Variants in RUNX1 observed in about 807,000 individuals in gnomAD.
The protein encoded by RUNX1 is runt-related transcription factor 1.
RUNX1 carries 19 observed loss-of-function variants against 42.8 expected under a neutral mutation model. The ratio of observed to expected loss-of-function variants is 0.44; its 90% CI spans 0.31 to 0.65. The LOEUF (loss-of-function observed/expected upper bound fraction) is 0.65. Ranked by LOEUF, RUNX1 falls within the 30% of genes least tolerant of loss-of-function variation. RUNX1 has a pLI of 0.07. For synonymous variants in RUNX1, 271 were observed against 289.4 expected (o/e 0.94, Z 0.64); for missense variants, 528 against 672.0 (o/e 0.79, Z 2.37).
At chr21:34,889,788 T>C (rs1601536369) in intron 3 of RUNX1, 1 of 1,139,052 alleles carries the variant, frequency 8.8e-7, no homozygotes, top group Non-Finnish European at 1.1e-6. Context: ...CGCTGCCAAC[T>C]CCGACCCCGC....
chr21:34,842,110 A>G (rs1325381961), intron 6 of RUNX1, among the ~76,000 whole-genome samples: 2 of 152,196 alleles, frequency 1.3e-5, no homozygotes, highest in African/African-American at 2.4e-5. Flanking sequence ...AGGAAGTTGT[A>G]ATTAAAGTTT....
chr21:34,789,047 T>C lies in RUNX1; in HGVS notation c.*3088A>G, dbSNP rs916452520. The C allele has an allele frequency of 8.6e-6, 2 of 233,240 alleles. No individual in the cohort carries two copies. The highest frequency in any genetic ancestry group is 2.2e-5 in the African/African-American group (1 of 45,364). 14.4% of individuals were successfully genotyped at this position (233,240 alleles called of 1,614,324 possible). A position where few individuals can be genotyped will look rare whatever the true frequency, so the allele number is the denominator to read the frequency against. On this transcript the variant is annotated 3_prime_UTR_variant, in exon 9 of 9. Transcript: ENST00000675419. ...CCCAAGGCAGCAGAAAGGCTGTCTA[T>C]TTACTCACTGATTGTGATTTGCCCA...
intron 2 of RUNX1, among the ~76,000 whole-genome samples, chr21:34,996,085 C>G (rs1000230557): frequency 6.6e-6 from 1 of 152,108 alleles, no homozygotes; most frequent in Non-Finnish European, 1.5e-5. Flanking sequence ...AGCCTGTGGA[C>G]AGGTGTGTAG....
Position 34,901,016 on chromosome 21 carries a change from A to C in RUNX1, c.59-8053T>G, listed in dbSNP as rs2058173256. 6.6e-6 allele frequency among the ~76,000 whole-genome samples: 1 copy of C among 152,202 alleles called. No individual in the cohort carries two copies. Among genetic ancestry groups the C allele is most frequent in the South Asian group, 2.1e-4 (1 of 4,826 alleles). On this transcript the variant is annotated intron_variant, in intron 2 of 8. Coordinates refer to ENST00000675419, the MANE Select transcript of RUNX1 (RefSeq NM_001754.5). The surrounding 1 kb of genome is among the most constrained non-coding windows in gnomAD (Gnocchi z 4.3). ...GTTTGCTGGCAATCTACCAGTTAAA[A>C]CACAGTAATAGATCAATTCAGTGAG...
intron 2 of RUNX1, among the ~76,000 whole-genome samples, chr21:34,921,633 T>C (rs2058354639): frequency 1.8e-5 from 1 of 55,284 alleles, no homozygotes; most frequent in Admixed American, 2.1e-4. Flanking sequence ...ATTGACATAA[T>C]CATTTTTTTT....
chr21:34,889,151 C>CT (rs2058043668), intron 3 of RUNX1, among the ~76,000 whole-genome samples: 4 of 56 alleles, frequency 0.071, no homozygotes, highest in African/African-American at 0.083. Context: ...GGCTCCCGAA[C>CT]CGGGCTGCAG....
intron 2 of RUNX1, among the ~76,000 whole-genome samples, chr21:34,993,498 T>TACACACACACACACAC (rs71324340): frequency 7.8e-6 from 1 of 128,426 alleles, no homozygotes; most frequent in African/African-American, 3.3e-5. Context: ...TGTTTGTCCC[T>TACACACACACACACAC]ACACACACAC....
chr21:34,963,605 A>G (rs554180531), intron 2 of RUNX1, among the ~76,000 whole-genome samples: 1 of 151,780 alleles, frequency 6.6e-6, no homozygotes, highest in Non-Finnish European at 1.5e-5. Context: ...GGGAACTTTG[A>G]CAGCCAAGGG....
At position 34,790,312 on chromosome 21, in the gene RUNX1, T is replaced by G. The variant is rs369678325; in HGVS notation, c.*1823A>C. 7.0e-4 allele frequency: 163 copies of G among 233,634 alleles called. 3 individuals carry two copies. The South Asian group carries it at 0.025, about 35-fold the overall frequency. The allele number at this position is 233,634 out of a possible 1,614,324, so 14.5% of individuals were successfully genotyped here. ...CCTGCAGCCAAAGATTTGCCTAATT[T>G]GAATGCTTAAATTTATAAAATAAAA... On this transcript the variant is annotated 3_prime_UTR_variant, in exon 9 of 9. Transcript: ENST00000675419.
intron 7 of RUNX1, among the ~76,000 whole-genome samples, chr21:34,822,000 C>CGAG (rs1341670277): frequency 2.0e-5 from 3 of 152,202 alleles, no homozygotes; most frequent in Non-Finnish European, 4.4e-5. Flanking sequence ...GGCTCAGAGC[C>CGAG]TCTCACACAG....
chr21:35,000,845 C>T (rs367659324), intron 2 of RUNX1, among the ~76,000 whole-genome samples: 17 of 152,312 alleles, frequency 1.1e-4, no homozygotes, highest in Middle Eastern at 3.4e-3. Context: ...GCCCTGCACA[C>T]GCAGGGAACA....
chr21:34,983,907 C>T (rs1035665007), intron 2 of RUNX1, among the ~76,000 whole-genome samples: 1 of 152,106 alleles, frequency 6.6e-6, no homozygotes. Context: ...GACTCAGGGG[C>T]CAATGGTGCT....
At chr21:34,991,695 G>A (rs2058942184) in intron 2 of RUNX1, among the ~76,000 whole-genome samples, 1 of 152,178 alleles carries the variant, frequency 6.6e-6, no homozygotes, top group Non-Finnish European at 1.5e-5. Flanking sequence ...TCCCACGTCT[G>A]TATGGTCTGA....
chr21:34,909,411 A>G (rs777021075), intron 2 of RUNX1, among the ~76,000 whole-genome samples: 3 of 151,976 alleles, frequency 2.0e-5, no homozygotes, highest in Non-Finnish European at 4.4e-5. Context: ...CTCCCTTGTC[A>G]TTTTTTGCAT....
intron 5 of RUNX1, among the ~76,000 whole-genome samples, chr21:34,869,448 A>C (rs1034619674): frequency 3.9e-5 from 6 of 152,138 alleles, no homozygotes; most frequent in African/African-American, 1.4e-4. Context: ...TCGCTAATAG[A>C]TGTGTGTGTT....
At chr21:34,862,819 A>G (rs753924905) in intron 5 of RUNX1, among the ~76,000 whole-genome samples, 27 of 152,230 alleles carry the variant, frequency 1.8e-4, no homozygotes, top group Admixed American at 2.6e-4. Flanking sequence ...AACTCAGTAC[A>G]AATAGCAATG....
intron 7 of RUNX1, among the ~76,000 whole-genome samples, chr21:34,815,124 C>T (rs544995879): frequency 5.3e-5 from 8 of 152,176 alleles, no homozygotes; most frequent in Admixed American, 5.2e-4. Flanking sequence ...AATTACCTTC[C>T]CCTTGATTTG....
At chr21:34,826,306 T>C (rs2056986250) in intron 7 of RUNX1, among the ~76,000 whole-genome samples, 1 of 152,196 alleles carries the variant, frequency 6.6e-6, no homozygotes, top group African/African-American at 2.4e-5. Context: ...TTGCACATGC[T>C]TTCTTGTGCC....
At chr21:34,881,149 T>C (rs2057899388) in intron 4 of RUNX1, among the ~76,000 whole-genome samples, 1 of 152,246 alleles carries the variant, frequency 6.6e-6, no homozygotes, top group South Asian at 2.1e-4. Context: ...GCATCTCTTC[T>C]TAATTTCTCC....
Sources: gnomAD v4.1 joint callset for allele counts (sites outside exome capture counted in the v4.1 genomes callset) on GRCh38, gnomAD v4.1.1 for gene constraint, Gnocchi (gnomAD v3.1) non-coding constraint, MANE v1.5 for transcripts, NCBI Gene and HGNC (gene_info 2026-07-23, HGNC 2026-07-21) for gene names.